MAN1A2: variants seen among roughly 807,000 people sequenced by gnomAD.
The protein encoded by MAN1A2 is mannosyl-oligosaccharide 1,2-alpha-mannosidase IB.
A neutral mutation model predicts 75.7 loss-of-function variants in MAN1A2; 26 were observed. The ratio of observed to expected loss-of-function variants is 0.34; its 90% CI spans 0.25 to 0.48. The LOEUF (loss-of-function observed/expected upper bound fraction) is 0.48. Ranked by LOEUF, MAN1A2 falls within the 20% of genes least tolerant of loss-of-function variation. MAN1A2 has a pLI of 0.99. For missense variants in MAN1A2, 562 were observed against 775.5 expected (o/e 0.72, Z 3.27); for synonymous variants, 247 against 264.6 (o/e 0.93, Z 0.65).
intron 1 of MAN1A2, among the ~76,000 whole-genome samples, chr1:117,370,170 C>G (rs1652912089): frequency 6.6e-6 from 1 of 152,040 alleles, no homozygotes; most frequent in African/African-American, 2.4e-5. Flanking sequence ...ATTTATGAAG[C>G]CCTTGGATAT....
intron 2 of MAN1A2, among the ~76,000 whole-genome samples, chr1:117,405,275 CT>C (rs3216042): frequency 0.61 from 92,425 of 151,812 alleles, 28,446 homozygotes; most frequent in Non-Finnish European, 0.65. Context: ...CCCAAAAAGA[CT>C]TAACATTTCT....
intron 1 of MAN1A2, among the ~76,000 whole-genome samples, chr1:117,389,482 T>C (rs1184581216): frequency 2.0e-5 from 3 of 152,166 alleles, no homozygotes; most frequent in Non-Finnish European, 4.4e-5. Flanking sequence ...CAAGTGGTAA[T>C]GCTTGCTTGC....
intron 8 of MAN1A2, among the ~76,000 whole-genome samples, chr1:117,490,122 T>C (rs1650833673): frequency 6.6e-6 from 1 of 152,018 alleles, no homozygotes; most frequent in Non-Finnish European, 1.5e-5. Context: ...CAAACAAATA[T>C]AGGCATACCC....
At chr1:117,384,901 G>GA (rs1653472381) in intron 1 of MAN1A2, among the ~76,000 whole-genome samples, 2 of 152,286 alleles carry the variant, frequency 1.3e-5, no homozygotes, top group South Asian at 2.1e-4. Flanking sequence ...GCTGACAAAA[G>GA]AAAGATGTAA....
intron 6 of MAN1A2, among the ~76,000 whole-genome samples, chr1:117,448,929 G>A (rs565189789): frequency 3.3e-5 from 5 of 151,884 alleles, no homozygotes; most frequent in Admixed American, 6.6e-5. Flanking sequence ...CAAGTCTATC[G>A]GGGCTATTTT....
At chr1:117,442,735 A>G (rs1649079068) in intron 6 of MAN1A2, among the ~76,000 whole-genome samples, 1 of 152,156 alleles carries the variant, frequency 6.6e-6, no homozygotes, top group Non-Finnish European at 1.5e-5. Context: ...AGAAAATAAT[A>G]TACCTAGAAA....
At chr1:117,387,377 T>C (rs901545764) in intron 1 of MAN1A2, among the ~76,000 whole-genome samples, 1 of 152,158 alleles carries the variant, frequency 6.6e-6, no homozygotes, top group Non-Finnish European at 1.5e-5. Flanking sequence ...TAGTTGTGAT[T>C]CTAATAAAAG....
chr1:117,496,208 TACTTTTCCATAG>T (rs951756363), intron 9 of MAN1A2, among the ~76,000 whole-genome samples: 1 of 152,014 alleles, frequency 6.6e-6, no homozygotes, highest in African/African-American at 2.4e-5. Context: ...CCATTGCTTA[TACTTTTCCATAG>T]AAATACCTCT....
At chr1:117,441,193 A>G (rs10923297) in intron 5 of MAN1A2, among the ~76,000 whole-genome samples, 92,508 of 151,842 alleles carry the variant, frequency 0.61, 28,507 homozygotes, top group Non-Finnish European at 0.65. Context: ...ATGGGGATGC[A>G]TTACCTCTAT....
chr1:117,401,097 A>G (rs755622824), intron 1 of MAN1A2, among the ~76,000 whole-genome samples: 39 of 150,786 alleles, frequency 2.6e-4, no homozygotes, highest in Non-Finnish European at 5.5e-4. Flanking sequence ...AGTACCTTCT[A>G]CAAGTGGAAT....
At chr1:117,423,807 C>T (rs1570731393) in intron 5 of MAN1A2, among the ~76,000 whole-genome samples, 1 of 151,854 alleles carries the variant, frequency 6.6e-6, no homozygotes, top group East Asian at 1.9e-4. Context: ...TTTAAGTGTG[C>T]AGTTCAGTGG....
intron 6 of MAN1A2, among the ~76,000 whole-genome samples, chr1:117,454,303 T>C (rs1649512812): frequency 6.6e-6 from 1 of 152,168 alleles, no homozygotes; most frequent in South Asian, 2.1e-4. Context: ...CAACATTTGA[T>C]GGAACCCAGC....
chr1:117,479,127 A>G (rs1281515564), intron 8 of MAN1A2, among the ~76,000 whole-genome samples: 1 of 151,620 alleles, frequency 6.6e-6, no homozygotes, highest in Non-Finnish European at 1.5e-5. Flanking sequence ...CCATGTATCC[A>G]TGTGTTCTCA....
chr1:117,444,942 G>C (rs1649168259), intron 6 of MAN1A2, among the ~76,000 whole-genome samples: 2 of 151,940 alleles, frequency 1.3e-5, no homozygotes. Context: ...TTGAAATACT[G>C]CTTTTCTAAA....
At chr1:117,458,521 A>ATTTTTTTTTTTTTTTTT (rs1409683905) in intron 6 of MAN1A2, among the ~76,000 whole-genome samples, 1 of 94,310 alleles carries the variant, frequency 1.1e-5, no homozygotes, top group Non-Finnish European at 2.2e-5. Context: ...AGATATATAT[A>ATTTTTTTTTTTTTTTTT]TATTTTTTTT....
At chr1:117,454,593 A>C (rs769526718) in intron 6 of MAN1A2, among the ~76,000 whole-genome samples, 6 of 152,224 alleles carry the variant, frequency 3.9e-5, no homozygotes, top group Non-Finnish European at 7.3e-5. Context: ...TATTGCCAGC[A>C]TACCTGTATT....
At chr1:117,400,906 G>T (rs948805157) in intron 1 of MAN1A2, among the ~76,000 whole-genome samples, 6 of 152,028 alleles carry the variant, frequency 3.9e-5, no homozygotes, top group African/African-American at 1.4e-4. Flanking sequence ...GTACAATTCA[G>T]TAGCATTAAA....
intron 3 of MAN1A2, among the ~76,000 whole-genome samples, chr1:117,409,390 A>T (rs1178262061): frequency 6.7e-6 from 1 of 148,906 alleles, no homozygotes; most frequent in Non-Finnish European, 1.5e-5. Context: ...TCCTTCTGTT[A>T]CAGATTTCTC....
At chr1:117,471,424 G>A (rs572281012) in intron 8 of MAN1A2, among the ~76,000 whole-genome samples, 1 of 151,934 alleles carries the variant, frequency 6.6e-6, no homozygotes, top group African/African-American at 2.4e-5. Flanking sequence ...TGTATAACAT[G>A]TTGAAATAAA....
Sources: allele counts gnomAD v4.1 joint callset (sites outside exome capture counted in the v4.1 genomes callset), GRCh38; gene constraint gnomAD v4.1.1; transcripts MANE v1.5; gene names NCBI Gene and HGNC (gene_info 2026-07-23, HGNC 2026-07-21).